The following SORCS1 variants were observed in gnomAD, a reference collection of about 807,000 sequenced individuals.
SORCS1 encodes VPS10 domain-containing receptor SorCS1.
SORCS1 carries 60 observed loss-of-function variants against 146.1 expected under a neutral mutation model. That is an observed-to-expected ratio of 0.41 (90% CI 0.33 to 0.51). The LOEUF is 0.51. Among genes scored for constraint, SORCS1 ranks in the 20% least tolerant of loss-of-function variants. The pLI is 0.21. For synonymous variants in SORCS1, 637 were observed against 584.0 expected, an observed-to-expected ratio of 1.09 and a Z score of -1.31; for missense variants, 1,352 against 1,487.6, an observed-to-expected ratio of 0.91 and a Z score of 1.50.
chr10:106,801,669 A>G (rs1048448489), intron 3 of SORCS1, among the ~76,000 whole-genome samples: 4 of 151,780 alleles, frequency 2.6e-5, no homozygotes, highest in Non-Finnish European at 5.9e-5. Flanking sequence ...AGCTGGGACT[A>G]CAGGCGCCCG....
intron 16 of SORCS1, among the ~76,000 whole-genome samples, chr10:106,670,075 C>T (rs912543373): frequency 1.3e-5 from 2 of 152,124 alleles, no homozygotes; most frequent in Non-Finnish European, 2.9e-5. Context: ...AATTTTTTAA[C>T]ACATATGTAC....
intron 6 of SORCS1, among the ~76,000 whole-genome samples, chr10:106,713,745 A>C (rs112019086): frequency 6.6e-6 from 1 of 152,146 alleles, no homozygotes; most frequent in Non-Finnish European, 1.5e-5. Context: ...GACTGACTCC[A>C]ACTTTGGTTT....
rs201606214 is a variant in SORCS1 at position 106,916,567 on chromosome 10, CAT to C, written c.626+39944_626+39945del. Among the ~76,000 whole-genome samples the C allele has an allele frequency of 8.3e-3, 1,028 of 124,178 alleles. 16 individuals carry two copies. Among genetic ancestry groups the C allele is most frequent in the African/African-American group, 0.03 (984 of 32,544 alleles). The allele number at this position is 124,178 out of a possible 152,430, so 81.5% of individuals were successfully genotyped here. On this transcript the variant is annotated intron_variant, in intron 2 of 25. Transcript: ENST00000263054. ...GCACACGATGATATATAATTGTGTG[CAT>C]ATATATACACACACACACACACACA...
At chr10:107,156,805 G>A (rs528965387) in intron 1 of SORCS1, among the ~76,000 whole-genome samples, 4 of 152,166 alleles carry the variant, frequency 2.6e-5, no homozygotes, top group South Asian at 2.1e-4. Flanking sequence ...AAATCAAAGA[G>A]AGGAAGAGAT....
chr10:107,076,416 C>T (rs1962885435), intron 1 of SORCS1, among the ~76,000 whole-genome samples: 1 of 152,126 alleles, frequency 6.6e-6, no homozygotes, highest in Non-Finnish European at 1.5e-5. Flanking sequence ...TTTTACAGCA[C>T]TGGTATTTCT....
intron 6 of SORCS1, among the ~76,000 whole-genome samples, chr10:106,724,620 G>A (rs1308580097): frequency 6.6e-6 from 1 of 151,990 alleles, no homozygotes; most frequent in East Asian, 1.9e-4. Context: ...TGAAATATGG[G>A]AACTTCAATG....
chr10:107,108,318 G>T (rs1312165816), intron 1 of SORCS1, among the ~76,000 whole-genome samples: 1 of 152,182 alleles, frequency 6.6e-6, no homozygotes, highest in East Asian at 1.9e-4. Flanking sequence ...TCACTGTGCT[G>T]CAGGCTTTAC....
chr10:106,599,977 A>G (rs1846144016), intron 23 of SORCS1, among the ~76,000 whole-genome samples: 1 of 151,994 alleles, frequency 6.6e-6, no homozygotes, highest in Non-Finnish European at 1.5e-5. Context: ...TTTAGCAGAG[A>G]CAGTGTTTCA....
chr10:106,593,865 C>G (rs561606064), intron 24 of SORCS1, among the ~76,000 whole-genome samples: 59 of 152,274 alleles, frequency 3.9e-4, no homozygotes, highest in African/African-American at 1.4e-3. Context: ...ATATCTGGGT[C>G]CCCAAAATAT....
intron 3 of SORCS1, among the ~76,000 whole-genome samples, chr10:106,780,938 A>G (rs1860842158): frequency 6.6e-6 from 1 of 151,936 alleles, no homozygotes; most frequent in Non-Finnish European, 1.5e-5. Context: ...ACAAATGAAC[A>G]TGAAATGCAA....
chr10:106,803,131 A>G (rs1946994965), intron 3 of SORCS1, among the ~76,000 whole-genome samples: 1 of 152,178 alleles, frequency 6.6e-6, no homozygotes, highest in African/African-American at 2.4e-5. Flanking sequence ...CCTAGAACGC[A>G]GACCTTGGGC....
At chr10:106,775,384 T>A (rs1860355511) in intron 4 of SORCS1, among the ~76,000 whole-genome samples, 2 of 152,160 alleles carry the variant, frequency 1.3e-5, no homozygotes, top group Non-Finnish European at 2.9e-5. Flanking sequence ...AAAAATGAAT[T>A]GTAAATTCTT....
At chr10:106,668,762 A>G (rs1318949525) in intron 16 of SORCS1, among the ~76,000 whole-genome samples, 1 of 152,190 alleles carries the variant, frequency 6.6e-6, no homozygotes, top group South Asian at 2.1e-4. Flanking sequence ...ATGGGTAGGA[A>G]GACTTCAGAA....
At chr10:106,737,498 G>A (rs1857038612) in intron 5 of SORCS1, among the ~76,000 whole-genome samples, 1 of 152,054 alleles carries the variant, frequency 6.6e-6, no homozygotes, top group Non-Finnish European at 1.5e-5. Flanking sequence ...GCCGAGGTGG[G>A]TGGATCACTT....
intron 1 of SORCS1, among the ~76,000 whole-genome samples, chr10:107,104,911 T>C (rs1232825292): frequency 6.6e-6 from 1 of 152,162 alleles, no homozygotes; most frequent in East Asian, 1.9e-4. Context: ...GGAAATAGGA[T>C]CTGGAAGAAC....
At chr10:106,716,310 T>C (rs1053870512) in intron 6 of SORCS1, among the ~76,000 whole-genome samples, 3 of 152,156 alleles carry the variant, frequency 2.0e-5, no homozygotes, top group Non-Finnish European at 2.9e-5. Context: ...TAGGTCCTAG[T>C]TCCATCTCCA....
At chr10:106,683,796 C>T (rs1163944272) in intron 10 of SORCS1, among the ~76,000 whole-genome samples, 1 of 152,216 alleles carries the variant, frequency 6.6e-6, no homozygotes, top group Non-Finnish European at 1.5e-5. Context: ...AATACATACT[C>T]ATTTGTATAA....
At chr10:107,115,457 T>C (rs1376356593) in intron 1 of SORCS1, among the ~76,000 whole-genome samples, 2 of 152,036 alleles carry the variant, frequency 1.3e-5, no homozygotes, top group African/African-American at 4.8e-5. Flanking sequence ...CACACACATA[T>C]GTCGTCAACT....
chr10:106,950,535 C>T (rs1048906224), intron 2 of SORCS1, among the ~76,000 whole-genome samples: 2 of 152,108 alleles, frequency 1.3e-5, no homozygotes, highest in Non-Finnish European at 2.9e-5. Context: ...GCAATTGCTG[C>T]TCAGAATGTT....
Sources: allele counts gnomAD v4.1 joint callset (sites outside exome capture counted in the v4.1 genomes callset), GRCh38; gene constraint gnomAD v4.1.1; transcripts MANE v1.5; gene names NCBI Gene and HGNC (gene_info 2026-07-23, HGNC 2026-07-21).